UBXN2A: variants seen among roughly 807,000 people sequenced by gnomAD.
UBXN2A encodes UBX domain-containing protein 2A.
Under a neutral mutation model 28.4 loss-of-function variants are expected in UBXN2A, and 28 were observed. The ratio of observed to expected loss-of-function variants is 0.99; its 90% CI spans 0.73 to 1.35. The LOEUF is 1.35. Among genes scored for constraint, UBXN2A ranks in the 40% most tolerant of loss-of-function variants. The pLI is 0.00. For missense variants in UBXN2A, 253 were observed against 297.9 expected (o/e 0.85, Z 1.11); for synonymous variants, 97 against 103.6 (o/e 0.94, Z 0.39).
At position 23,988,768 on chromosome 2, in the gene UBXN2A, G is replaced by T. The variant is rs1446060048; in HGVS notation, c.584+3937G>T. On this transcript the variant is annotated intron_variant, in intron 6 of 6. Coordinates refer to ENST00000309033, the MANE Select transcript of UBXN2A (RefSeq NM_181713.4). Reference sequence around the variant, plus strand: ...CAGATTGATTGATTGATTGATTTGTGTCTATACCTACTCATAGTTTGCTAT... The same window carrying T: ...CAGATTGATTGATTGATTGATTTGTTTCTATACCTACTCATAGTTTGCTAT... Among the ~76,000 whole-genome samples the T allele has an allele frequency of 2.6e-5, 4 of 152,070 alleles. 1 individual carries two copies. The highest frequency in any genetic ancestry group is 4.4e-5 in the Non-Finnish European group (3 of 68,012).
At chr2:23,990,493 G>C (rs540383464) in intron 6 of UBXN2A, among the ~76,000 whole-genome samples, 3 of 148,974 alleles carry the variant, frequency 2.0e-5, no homozygotes, top group Admixed American at 1.4e-4. Flanking sequence ...GCAGCTGGGC[G>C]TGGTGGCTCA....
intron 4 of UBXN2A, among the ~76,000 whole-genome samples, chr2:23,981,275 C>G (rs921791984): frequency 5.7e-5 from 8 of 139,282 alleles, no homozygotes; most frequent in Non-Finnish European, 9.2e-5. Flanking sequence ...TAAACCAGTC[C>G]GGCCAACATA....
intron 1 of UBXN2A, among the ~76,000 whole-genome samples, chr2:23,943,468 T>C (rs1705869928): frequency 6.6e-6 from 1 of 152,152 alleles, no homozygotes; most frequent in African/African-American, 2.4e-5. Flanking sequence ...GAAGGTTTTC[T>C]AAAGGAGATT....
chr2:23,991,421 A>G lies in UBXN2A; in HGVS notation c.584+6590A>G, dbSNP rs1054806733. On this transcript the variant is annotated intron_variant, in intron 6 of 6. Transcript: ENST00000309033. Reference sequence around the variant, plus strand: ...TTTTATTTTATACACACACACACACACACACACACATATACATATATATAT... The same window carrying G: ...TTTTATTTTATACACACACACACACGCACACACACATATACATATATATAT... Among the ~76,000 whole-genome samples the G allele has an allele frequency of 4.0e-5, 6 of 148,734 alleles. No individual in the cohort carries two copies. The South Asian group carries it at 1.3e-3, about 32-fold the overall frequency.
chr2:23,963,711 G>A (rs1207519315), intron 2 of UBXN2A, among the ~76,000 whole-genome samples: 2 of 152,084 alleles, frequency 1.3e-5, no homozygotes, highest in Non-Finnish European at 2.9e-5. Context: ...GCAAAATGGT[G>A]TAGCTACTAT....
chr2:23,953,747 A>G (rs577051519), intron 1 of UBXN2A, among the ~76,000 whole-genome samples: 37 of 152,260 alleles, frequency 2.4e-4, no homozygotes, highest in Admixed American at 2.2e-3. Flanking sequence ...AATTTCCCAC[A>G]TTCTGGACTT....
chr2:23,960,822 A>G (rs986290026), intron 2 of UBXN2A, among the ~76,000 whole-genome samples: 5 of 152,064 alleles, frequency 3.3e-5, no homozygotes, highest in African/African-American at 9.7e-5. Flanking sequence ...TTTAGTGCAG[A>G]TGGGGTTTCA....
intron 1 of UBXN2A, among the ~76,000 whole-genome samples, chr2:23,933,858 G>A (rs1012734453): frequency 1.3e-5 from 2 of 152,220 alleles, no homozygotes; most frequent in African/African-American, 4.8e-5. Context: ...TGCAATCCAT[G>A]GGACTGCATC....
chr2:23,928,576 C>CA (rs879743867), intron 1 of UBXN2A, among the ~76,000 whole-genome samples: 5,508 of 129,934 alleles, frequency 0.042, 142 homozygotes, highest in Non-Finnish European at 0.057. Context: ...GACTCCATCT[C>CA]AAAAAAAAAA....
chr2:23,984,379 T>C (rs185232348), intron 5 of UBXN2A, among the ~76,000 whole-genome samples: 1 of 152,294 alleles, frequency 6.6e-6, no homozygotes, highest in Non-Finnish European at 1.5e-5. Flanking sequence ...AGTCCATAGA[T>C]CTATGAACCT....
chr2:23,977,165 G>A, intron 4 of UBXN2A, 90 bp downstream of exon 4: 2 of 987,522 alleles, frequency 2.0e-6, no homozygotes, highest in South Asian at 1.4e-5. Flanking sequence ...GGAGTTCAAG[G>A]CCAGCCGGGG....
chr2:23,990,944 T>C (rs1708330607), intron 6 of UBXN2A, among the ~76,000 whole-genome samples: 1 of 152,178 alleles, frequency 6.6e-6, no homozygotes, highest in African/African-American at 2.4e-5. Context: ...ACTCTTCTCC[T>C]ACCCACCAGC....
At chr2:23,963,563 G>C (rs1320453776) in intron 2 of UBXN2A, among the ~76,000 whole-genome samples, 1 of 151,778 alleles carries the variant, frequency 6.6e-6, no homozygotes, top group Non-Finnish European at 1.5e-5. Context: ...AGTGTCACTA[G>C]TAATCATCAG....
rs1475431926 is a variant in UBXN2A, at chr2:23,975,405, A to T, written c.181-1564A>T. ...CATAACTGTATGAGGTTTGGTTATT[A>T]AAAAAAACATTTCAATCAAAATAAC... On this transcript the variant is annotated intron_variant, in intron 3 of 6. Transcript: ENST00000309033. 4.0e-5 allele frequency among the ~76,000 whole-genome samples: 6 copies of T among 151,600 alleles called. No homozygotes were observed. In the South Asian group the frequency reaches 6.2e-4, roughly 16 times the overall value.
intron 6 of UBXN2A, among the ~76,000 whole-genome samples, chr2:23,986,720 G>C (rs1256656344): frequency 6.6e-6 from 1 of 151,362 alleles, no homozygotes; most frequent in Non-Finnish European, 1.5e-5. Flanking sequence ...CGATTCTCCT[G>C]CCTCAGCCTC....
intron 2 of UBXN2A, among the ~76,000 whole-genome samples, chr2:23,965,055 T>C (rs942083592): frequency 2.0e-5 from 3 of 151,998 alleles, no homozygotes; most frequent in South Asian, 2.1e-4. Context: ...TTTTTCGTAT[T>C]TTTTTTATAG....
intron 2 of UBXN2A, among the ~76,000 whole-genome samples, chr2:23,962,901 C>T (rs1338723484): frequency 3.9e-5 from 6 of 152,148 alleles, no homozygotes; most frequent in African/African-American, 7.2e-5. Context: ...TGAGCCACCG[C>T]GTCCGGCAAG....
chr2:23,985,166 G>A (rs1400184334), intron 6 of UBXN2A, among the ~76,000 whole-genome samples: 1 of 152,038 alleles, frequency 6.6e-6, no homozygotes, highest in African/African-American at 2.4e-5. Context: ...TCAAACTCCT[G>A]GACTGAATTC....
intron 2 of UBXN2A, among the ~76,000 whole-genome samples, chr2:23,958,570 A>T (rs188428982): frequency 6.6e-6 from 1 of 152,338 alleles, no homozygotes; most frequent in African/African-American, 2.4e-5. Context: ...TTAAAAAGTT[A>T]AATTATCTGT....
Sources: gnomAD v4.1 joint callset for allele counts (sites outside exome capture counted in the v4.1 genomes callset) on GRCh38, gnomAD v4.1.1 for gene constraint, MANE v1.5 for transcripts, NCBI Gene and HGNC (gene_info 2026-07-23, HGNC 2026-07-21) for gene names.